Variants in DHCR24 observed in about 807,000 individuals in gnomAD.
DHCR24 encodes delta(24)-sterol reductase.
DHCR24 carries 28 observed loss-of-function variants against 61.2 expected under a neutral mutation model. The ratio of observed to expected loss-of-function variants is 0.46; its 90% CI spans 0.34 to 0.63. DHCR24 has a LOEUF of 0.63. Among genes scored for constraint, DHCR24 ranks in the 20% least tolerant of loss-of-function variants. The probability of loss-of-function intolerance (pLI) is 0.01; values close to 1 mark genes in which losing one functional copy is unlikely to be tolerated. For synonymous variants in DHCR24, 261 were observed against 275.9 expected, an observed-to-expected ratio of 0.95 and a Z score of 0.54; for missense variants, 538 against 679.1, an observed-to-expected ratio of 0.79 and a Z score of 2.31.
intron 4 of DHCR24, among the ~76,000 whole-genome samples, chr1:54,873,152 A>C (rs1303365624): frequency 1.3e-5 from 2 of 152,244 alleles, no homozygotes; most frequent in Non-Finnish European, 2.9e-5. Flanking sequence ...GTGCTACATA[A>C]AGACGTTGCA....
At chr1:54,880,312 C>T (rs1024329397) in intron 2 of DHCR24, among the ~76,000 whole-genome samples, 1 of 152,134 alleles carries the variant, frequency 6.6e-6, no homozygotes, top group African/African-American at 2.4e-5. Flanking sequence ...AGCCCAGTAC[C>T]TATTAAAGAA....
intron 2 of DHCR24, among the ~76,000 whole-genome samples, chr1:54,876,937 A>G (rs1052336446): frequency 4.6e-5 from 7 of 151,830 alleles, no homozygotes; most frequent in Non-Finnish European, 1.0e-4. Flanking sequence ...ATCAATCAAT[A>G]TATGTAAGAA....
intron 6 of DHCR24, 88 bp downstream of exon 6, chr1:54,865,215 G>A: frequency 6.7e-7 from 1 of 1,499,466 alleles, no homozygotes; most frequent in Non-Finnish European, 9.1e-7. Flanking sequence ...TTACCCTGAA[G>A]GGAGAGAGTA....
chr1:54,876,648 C>T (rs186854095), intron 2 of DHCR24, among the ~76,000 whole-genome samples: 16 of 151,520 alleles, frequency 1.1e-4, no homozygotes, highest in Admixed American at 2.0e-4. Flanking sequence ...AGTGAGACTC[C>T]GTCTCAAACA....
chr1:54,867,062 G>A (rs1453707849), intron 5 of DHCR24, among the ~76,000 whole-genome samples: 2 of 152,184 alleles, frequency 1.3e-5, no homozygotes, highest in Non-Finnish European at 2.9e-5. Flanking sequence ...GCCATGCAGA[G>A]AAGCCCAGGA....
intron 5 of DHCR24, among the ~76,000 whole-genome samples, chr1:54,870,893 G>A (rs986358772): frequency 6.6e-6 from 1 of 151,504 alleles, no homozygotes; most frequent in African/African-American, 2.4e-5. Flanking sequence ...CTTTCTAAAT[G>A]GAGAAAAAAC....
At chr1:54,884,319 G>C (rs1046325618) in intron 1 of DHCR24, among the ~76,000 whole-genome samples, 2 of 152,238 alleles carry the variant, frequency 1.3e-5, no homozygotes, top group African/African-American at 2.4e-5. Flanking sequence ...TGGAGTTGTG[G>C]TAACAGTTCA....
Position 54,860,974 on chromosome 1 carries a change from C to T in DHCR24, c.1020+4329G>A, listed in dbSNP as rs550872318. 2.2e-3 allele frequency among the ~76,000 whole-genome samples: 315 copies of T among 144,126 alleles called. 4 individuals are homozygous for T. The highest frequency in any genetic ancestry group is 7.8e-3 in the African/African-American group (301 of 38,596). The allele number at this position is 144,126 out of a possible 152,430, so 94.6% of individuals were successfully genotyped here. A position where few individuals can be genotyped will look rare whatever the true frequency, so the allele number is the denominator to read the frequency against. ...CTGCACCCCAGCCTGGGCGACAGAGCGAGACTTCATCTCAAAAAAGAAAAA... is the reference window on the plus strand; with the variant it reads ...CTGCACCCCAGCCTGGGCGACAGAGTGAGACTTCATCTCAAAAAAGAAAAA... On this transcript the variant is annotated intron_variant, in intron 6 of 8. Transcript: ENST00000371269.
chr1:54,868,999 G>A (rs1400315696), intron 5 of DHCR24, among the ~76,000 whole-genome samples: 2 of 152,102 alleles, frequency 1.3e-5, no homozygotes, highest in Admixed American at 6.6e-5. Context: ...CCTGGGAGGT[G>A]GAGGTTGCAG....
At chr1:54,886,200 C>A (rs1284687961) in intron 1 of DHCR24, among the ~76,000 whole-genome samples, 2 of 152,180 alleles carry the variant, frequency 1.3e-5, no homozygotes, top group Admixed American at 6.5e-5. Flanking sequence ...TGAGCCACAG[C>A]AGGTCACAGG....
chr1:54,887,190 C>A lies in DHCR24; in HGVS notation c.-71G>T, dbSNP rs983907024. The A allele has an allele frequency of 2.2e-6, 3 of 1,351,454 alleles. No homozygotes were observed. Among genetic ancestry groups the A allele is most frequent in the East Asian group, 2.6e-5 (1 of 39,014 alleles). The allele number at this position is 1,351,454 out of a possible 1,614,324, so 83.7% of individuals were successfully genotyped here. A position where few individuals can be genotyped will look rare whatever the true frequency, so the allele number is the denominator to read the frequency against. On this transcript the variant is annotated 5_prime_UTR_variant, in exon 1 of 9. Coordinates refer to ENST00000371269, the MANE Select transcript of DHCR24 (RefSeq NM_014762.4). ...ACTGCCGCCAGCTCCGCGCCTGGCCCGCTCTGCGCCTGTAGCCCACAGCCC... is the reference window on the plus strand; with the variant it reads ...ACTGCCGCCAGCTCCGCGCCTGGCCAGCTCTGCGCCTGTAGCCCACAGCCC...
chr1:54,874,095 C>A (rs750220652), intron 4 of DHCR24, among the ~76,000 whole-genome samples: 1 of 152,136 alleles, frequency 6.6e-6, no homozygotes, highest in African/African-American at 2.4e-5. Flanking sequence ...AGTGTTATTA[C>A]AAGAGTCAAA....
chr1:54,876,730 G>GT (rs1189676025), intron 2 of DHCR24, among the ~76,000 whole-genome samples: 12 of 150,966 alleles, frequency 7.9e-5, no homozygotes, highest in East Asian at 2.0e-4. Context: ...ATTTACTTTG[G>GT]TTTTTTTTTC....
chr1:54,877,384 T>C (rs1422399027), intron 2 of DHCR24, among the ~76,000 whole-genome samples: 1 of 151,486 alleles, frequency 6.6e-6, no homozygotes, highest in Non-Finnish European at 1.5e-5. Flanking sequence ...CTAGCCGAAG[T>C]GGAATAACAG....
At chr1:54,865,158 G>T in intron 6 of DHCR24, 145 bp downstream of exon 6, 2 of 985,648 alleles carry the variant, frequency 2.0e-6, no homozygotes, top group Non-Finnish European at 3.0e-6. Context: ...AAACGACTGT[G>T]TTGCTGCTTA....
At chr1:54,884,984 T>G (rs1415133634) in intron 1 of DHCR24, among the ~76,000 whole-genome samples, 1 of 152,188 alleles carries the variant, frequency 6.6e-6, no homozygotes, top group East Asian at 1.9e-4. Context: ...CCATGCCTGA[T>G]CCAGTTGTAC....
intron 3 of DHCR24, 42 bp from the exon 4 acceptor site, chr1:54,875,253 G>A (rs1160851246): frequency 2.5e-6 from 4 of 1,597,634 alleles, no homozygotes; most frequent in Non-Finnish European, 3.4e-6. Context: ...GAGAGCTGTG[G>A]GTACAGGGTT....
chr1:54,865,498 A>G lies in DHCR24; in HGVS notation c.877-52T>C, dbSNP rs778108440. 6 of 1,610,980 alleles carry G rather than the reference A, an allele frequency of 3.7e-6. No individual in the cohort carries two copies. In the East Asian group the frequency reaches 1.1e-4, roughly 30 times the overall value. On this transcript the variant is annotated intron_variant, in intron 5 of 8. Transcript: ENST00000371269. ...AGCCTGCAGACAAGCGCCCAGCACC[A>G]TCGGGGTGTAACAGCGACACCCGGC... is the stretch of plus-strand genomic sequence containing the variant.
intron 6 of DHCR24, among the ~76,000 whole-genome samples, chr1:54,864,156 G>T (rs1180099703): frequency 6.6e-6 from 1 of 152,208 alleles, no homozygotes. Context: ...TGCTCAGAAA[G>T]TTAGACACAG....
Sources: allele counts gnomAD v4.1 joint callset (sites outside exome capture counted in the v4.1 genomes callset), GRCh38; gene constraint gnomAD v4.1.1; transcripts MANE v1.5; gene names NCBI Gene and HGNC (gene_info 2026-07-23, HGNC 2026-07-21).